SPATS2: variants seen among roughly 807,000 people sequenced by gnomAD.
SPATS2 encodes spermatogenesis-associated serine-rich protein 2.
In SPATS2, 38 loss-of-function variants were observed where a neutral mutation model predicts 63.7. That is an observed-to-expected ratio of 0.60 (90% CI 0.46 to 0.78). The LOEUF (loss-of-function observed/expected upper bound fraction) is 0.78. Ranked by LOEUF, SPATS2 falls within the 30% of genes least tolerant of loss-of-function variation. The pLI, the probability that SPATS2 is intolerant of heterozygous loss-of-function variation, is 0.00. For missense variants in SPATS2, 588 were observed against 666.2 expected, an observed-to-expected ratio of 0.88 and a Z score of 1.29; for synonymous variants, 207 against 232.9, an observed-to-expected ratio of 0.89 and a Z score of 1.01.
At position 49,524,552 on chromosome 12, in the gene SPATS2, A is replaced by G. The variant is rs969779362; in HGVS notation, c.1112-130A>G. The G allele has an allele frequency of 5.4e-6, 5 of 933,956 alleles. No individual in the cohort carries two copies. In the East Asian group the frequency reaches 7.6e-5, roughly 14 times the overall value. 57.9% of individuals were successfully genotyped at this position (933,956 alleles called of 1,614,324 possible). On this transcript the variant is annotated intron_variant, in intron 12 of 13. Transcript: ENST00000552918. ...GATTTTTCTTCCTGTTACCAGTTTT[A>G]TAGGTTTTTCTTTATTCGAATAGAC... is the stretch of plus-strand genomic sequence containing the variant.
intron 13 of SPATS2, among the ~76,000 whole-genome samples, 165 bp from the exon 14 acceptor site, chr12:49,525,779 T>C (rs2138109243): frequency 6.6e-6 from 1 of 152,320 alleles, no homozygotes; most frequent in South Asian, 2.1e-4. Context: ...AGTTCTGAAG[T>C]AGTGGCTAGG....
intron 2 of SPATS2, among the ~76,000 whole-genome samples, chr12:49,396,335 G>C (rs1435420834): frequency 6.6e-6 from 1 of 152,214 alleles, no homozygotes; most frequent in Non-Finnish European, 1.5e-5. Flanking sequence ...CAGTGTACAA[G>C]GGTTTTAGCA....
intron 6 of SPATS2, among the ~76,000 whole-genome samples, chr12:49,492,925 A>G (rs1332241140): frequency 4.0e-5 from 6 of 151,790 alleles, no homozygotes; most frequent in Admixed American, 1.3e-4. Flanking sequence ...GTGAAACCCT[A>G]TCTCTACTAA....
At chr12:49,385,400 G>A (rs900613223) in intron 2 of SPATS2, among the ~76,000 whole-genome samples, 1 of 150,486 alleles carries the variant, frequency 6.6e-6, no homozygotes, top group Admixed American at 6.6e-5. Context: ...GGCAGAGACA[G>A]AGATAGAGAC....
chr12:49,448,206 C>T (rs1456990745), intron 2 of SPATS2, among the ~76,000 whole-genome samples: 3 of 148,816 alleles, frequency 2.0e-5, no homozygotes, highest in African/African-American at 5.0e-5. Flanking sequence ...GGCGTGATCT[C>T]GGCTCACTGC....
At position 49,406,284 on chromosome 12, in the gene SPATS2, CT is replaced by C. The variant is rs775907945; in HGVS notation, c.-244+35009del. Among the ~76,000 whole-genome samples, 825 of 142,042 alleles carry C rather than the reference CT, an allele frequency of 5.8e-3. 2 individuals carry two copies. Among genetic ancestry groups the C allele is most frequent in the Middle Eastern group, 0.011 (3 of 274 alleles). 93.2% of individuals were successfully genotyped at this position (142,042 alleles called of 152,430 possible). The stretch of plus-strand genomic sequence containing the variant: ...GCTAGATCTTTCTAGTTTTTGTAAA[CT>C]TTTTTTTTTTTTTTAAAGACAGGGT... On this transcript the variant is annotated intron_variant, in intron 2 of 13. Transcript: ENST00000552918.
chr12:49,422,924 A>AT (rs1945008379), intron 2 of SPATS2, among the ~76,000 whole-genome samples: 2 of 151,862 alleles, frequency 1.3e-5, no homozygotes, highest in African/African-American at 2.4e-5. Context: ...AAAAAAAAAA[A>AT]ATTTTTTTAA....
At chr12:49,405,742 T>A (rs1482269327) in intron 2 of SPATS2, among the ~76,000 whole-genome samples, 2 of 152,198 alleles carry the variant, frequency 1.3e-5, no homozygotes, top group Non-Finnish European at 1.5e-5. Flanking sequence ...GCTTGAATGA[T>A]AACTTACTTT....
At chr12:49,496,263 C>T (rs559880641) in intron 7 of SPATS2, among the ~76,000 whole-genome samples, 1 of 152,070 alleles carries the variant, frequency 6.6e-6, no homozygotes, top group African/African-American at 2.4e-5. Context: ...TCCCCTAGAG[C>T]GTTGTTGTTT....
At chr12:49,489,780 A>G (rs1245376253) in intron 5 of SPATS2, among the ~76,000 whole-genome samples, 4 of 152,206 alleles carry the variant, frequency 2.6e-5, no homozygotes, top group Non-Finnish European at 5.9e-5. Flanking sequence ...AGAAAACTCC[A>G]TTGTTTCACG....
chr12:49,513,483 T>C (rs1167437706), intron 9 of SPATS2, among the ~76,000 whole-genome samples: 3 of 152,202 alleles, frequency 2.0e-5, no homozygotes, highest in Non-Finnish European at 4.4e-5. Flanking sequence ...CCTTATACAT[T>C]GAAGGCTGTG....
intron 2 of SPATS2, among the ~76,000 whole-genome samples, chr12:49,386,108 A>G (rs1226449883): frequency 6.9e-6 from 1 of 145,390 alleles, no homozygotes; most frequent in East Asian, 2.1e-4. Flanking sequence ...ACCGCAAGTG[A>G]TCCGCCTGCC....
chr12:49,380,692 C>G (rs1287507114), intron 2 of SPATS2, among the ~76,000 whole-genome samples: 4 of 150,124 alleles, frequency 2.7e-5, no homozygotes, highest in African/African-American at 7.4e-5. Context: ...GGAGACAGAG[C>G]AAGACTCTGC....
chr12:49,393,102 A>G (rs564361118), intron 2 of SPATS2, among the ~76,000 whole-genome samples: 1 of 152,258 alleles, frequency 6.6e-6, no homozygotes, highest in East Asian at 1.9e-4. Flanking sequence ...GCTTTGTCTC[A>G]CCTTAATTAT....
chr12:49,453,856 CTTTTTTT>C (rs869155580), intron 2 of SPATS2, among the ~76,000 whole-genome samples: 2 of 76,200 alleles, frequency 2.6e-5, no homozygotes, highest in East Asian at 6.3e-4. Context: ...AAATAGCATT[CTTTTTTT>C]TTTTTTTTTT....
intron 2 of SPATS2, among the ~76,000 whole-genome samples, chr12:49,415,953 C>T (rs982303237): frequency 5.9e-5 from 9 of 151,694 alleles, no homozygotes; most frequent in Middle Eastern, 3.4e-3. Flanking sequence ...CCCTGCAGGC[C>T]TTGGCTTACA....
chr12:49,452,762 A>T (rs982549988), intron 2 of SPATS2, among the ~76,000 whole-genome samples: 1 of 145,966 alleles, frequency 6.9e-6, no homozygotes, highest in South Asian at 2.2e-4. Context: ...TTTATTTTTT[A>T]TTTTTTTTTA....
chr12:49,368,619 A>G (rs916658173), intron 1 of SPATS2, among the ~76,000 whole-genome samples: 1 of 152,260 alleles, frequency 6.6e-6, no homozygotes, highest in Non-Finnish European at 1.5e-5. Context: ...GCCTTAAATT[A>G]TTTCTTGATG....
intron 2 of SPATS2, among the ~76,000 whole-genome samples, chr12:49,401,736 C>T (rs974474033): frequency 4.6e-5 from 7 of 152,134 alleles, no homozygotes; most frequent in South Asian, 2.1e-4. Flanking sequence ...CTCACTCTGT[C>T]GCCCCGACTG....
Sources: gnomAD v4.1 joint callset for allele counts (sites outside exome capture counted in the v4.1 genomes callset) on GRCh38, gnomAD v4.1.1 for gene constraint, MANE v1.5 for transcripts, NCBI Gene and HGNC (gene_info 2026-07-23, HGNC 2026-07-21) for gene names.